Variants in DGKB observed in about 807,000 individuals in gnomAD.
DGKB encodes 90 kDa diacylglycerol kinase.
DGKB carries 67 observed loss-of-function variants against 114.3 expected under a neutral mutation model. The ratio of observed to expected loss-of-function variants is 0.59; its 90% CI spans 0.48 to 0.72. The LOEUF is 0.72. Among genes scored for constraint, DGKB ranks in the 30% least tolerant of loss-of-function variants. The pLI, the probability that DGKB is intolerant of heterozygous loss-of-function variation, is 0.00. For synonymous variants in DGKB, 398 were observed against 323.1 expected (o/e 1.23, Z -2.49); for missense variants, 907 against 975.2 (o/e 0.93, Z 0.93).
upstream of DGKB, among the ~76,000 whole-genome samples, chr7:14,903,798 C>G (rs2128240637): frequency 6.6e-6 from 1 of 152,222 alleles, no homozygotes; most frequent in South Asian, 2.1e-4. Context: ...GTAAGTAAGT[C>G]AATAATCAAG....
chr7:14,734,497 T>C (rs956635742), intron 5 of DGKB, among the ~76,000 whole-genome samples: 1 of 152,270 alleles, frequency 6.6e-6, no homozygotes, highest in African/African-American at 2.4e-5. Flanking sequence ...CTTACTCTTA[T>C]TCTCTTTTGA....
intron 23 of DGKB, among the ~76,000 whole-genome samples, chr7:14,216,410 G>T (rs183501148): frequency 1.3e-5 from 2 of 152,056 alleles, no homozygotes; most frequent in African/African-American, 2.4e-5. Context: ...CCAAATTATA[G>T]AATAAAAAGG....
At chr7:14,559,974 T>C (rs1414480534) in intron 20 of DGKB, among the ~76,000 whole-genome samples, 1 of 151,328 alleles carries the variant, frequency 6.6e-6, no homozygotes, top group Non-Finnish European at 1.5e-5. Flanking sequence ...TCTCCCTCCC[T>C]TCCTTTTTGC....
At chr7:14,275,089 G>A (rs1438201238) in intron 23 of DGKB, among the ~76,000 whole-genome samples, 3 of 152,038 alleles carry the variant, frequency 2.0e-5, no homozygotes, top group Non-Finnish European at 4.4e-5. Context: ...TTTCTCTGAA[G>A]CATCTCTCTG....
chr7:14,811,801 T>C (rs1843475396), intron 2 of DGKB, among the ~76,000 whole-genome samples: 1 of 110,662 alleles, frequency 9.0e-6, no homozygotes, highest in African/African-American at 4.3e-5. Context: ...TATGTATATA[T>C]ACACACACAC....
At chr7:14,832,575 G>A (rs1319804228) in intron 2 of DGKB, among the ~76,000 whole-genome samples, 1 of 151,900 alleles carries the variant, frequency 6.6e-6, no homozygotes, top group Non-Finnish European at 1.5e-5. Flanking sequence ...TAAAGACTCG[G>A]GATGCGTTTT....
At chr7:14,501,600 A>G (rs1263982595) in intron 20 of DGKB, among the ~76,000 whole-genome samples, 1 of 151,904 alleles carries the variant, frequency 6.6e-6, no homozygotes, top group Non-Finnish European at 1.5e-5. Context: ...AGCTCAGAGA[A>G]TCATCTCCAG....
chr7:14,351,806 T>C (rs1446654150), intron 21 of DGKB, among the ~76,000 whole-genome samples: 1 of 152,162 alleles, frequency 6.6e-6, no homozygotes, highest in Non-Finnish European at 1.5e-5. Context: ...ACATTAGTGG[T>C]GGAAGTGACC....
At chr7:14,906,216 A>T (rs979673301), upstream of DGKB, among the ~76,000 whole-genome samples, 8 of 146,990 alleles carry the variant, frequency 5.4e-5, no homozygotes, top group Non-Finnish European at 1.2e-4. Flanking sequence ...CTAGAGCCTT[A>T]AAAAAAAAAC....
At chr7:14,294,840 G>C (rs1802287168) in intron 23 of DGKB, among the ~76,000 whole-genome samples, 1 of 152,172 alleles carries the variant, frequency 6.6e-6, no homozygotes, top group Non-Finnish European at 1.5e-5. Flanking sequence ...GAGATAATCA[G>C]ATAAGTGACC....
At chr7:14,262,244 A>G (rs1032845855) in intron 23 of DGKB, among the ~76,000 whole-genome samples, 1 of 152,190 alleles carries the variant, frequency 6.6e-6, no homozygotes, top group African/African-American at 2.4e-5. Flanking sequence ...TGTAGAATGG[A>G]TGGTACTGTG....
chr7:14,620,076 A>G (rs568576600), intron 15 of DGKB, among the ~76,000 whole-genome samples: 1 of 151,670 alleles, frequency 6.6e-6, no homozygotes, highest in African/African-American at 2.4e-5. Context: ...TTATAGGATA[A>G]TTTAATTAAT....
At chr7:14,820,219 A>C (rs911999572) in intron 2 of DGKB, among the ~76,000 whole-genome samples, 2 of 152,152 alleles carry the variant, frequency 1.3e-5, no homozygotes, top group African/African-American at 4.8e-5. Flanking sequence ...CAATAAAAAA[A>C]CCCTCTAAAC....
chr7:14,561,733 C>A (rs534586226), intron 20 of DGKB, among the ~76,000 whole-genome samples: 33 of 152,134 alleles, frequency 2.2e-4, no homozygotes, highest in Non-Finnish European at 4.3e-4. Flanking sequence ...TTTAGGATAT[C>A]TGAGGAAAGA....
chr7:14,567,554 A>G (rs1797761983), intron 20 of DGKB, among the ~76,000 whole-genome samples: 1 of 101,926 alleles, frequency 9.8e-6, no homozygotes, highest in South Asian at 2.5e-4. Context: ...ATATAATTAT[A>G]TATTGGATAA....
intron 20 of DGKB, among the ~76,000 whole-genome samples, chr7:14,511,234 T>A (rs1787933241): frequency 1.3e-5 from 2 of 152,210 alleles, no homozygotes; most frequent in African/African-American, 4.8e-5. Flanking sequence ...CTGTTTTGTC[T>A]ACATTGAAAA....
intron 2 of DGKB, among the ~76,000 whole-genome samples, chr7:14,802,418 C>A (rs527414195): frequency 3.9e-5 from 6 of 152,236 alleles, no homozygotes; most frequent in African/African-American, 1.2e-4. Flanking sequence ...AGCTACTCAG[C>A]TTAATAAGGT....
At chr7:14,777,544 T>A (rs1838390099) in intron 2 of DGKB, among the ~76,000 whole-genome samples, 1 of 152,294 alleles carries the variant, frequency 6.6e-6, no homozygotes, top group South Asian at 2.1e-4. Context: ...AATAAGGGGC[T>A]TTTCTTCCTC....
In DGKB at chr7:14,889,595, A is replaced by G. The variant is rs149296719; in HGVS notation, c.-188+12997T>C. On this transcript the variant is annotated intron_variant, in intron 1 of 25. Coordinates refer to ENST00000402815, the MANE Select transcript of DGKB (RefSeq NM_001350709.2). ...ACTGAAGTTGTGTATCCAGCTAGCA[A>G]AGAATAAATAATCCTTGAATAGTAA... Among the ~76,000 whole-genome samples the G allele has an allele frequency of 2.2e-3, 339 of 151,658 alleles. 1 individual carries two copies. The highest frequency in any genetic ancestry group is 8.0e-3 in the African/African-American group (330 of 41,464).
Sources: gnomAD v4.1 joint callset for allele counts (sites outside exome capture counted in the v4.1 genomes callset) on GRCh38, gnomAD v4.1.1 for gene constraint, MANE v1.5 for transcripts, NCBI Gene and HGNC (gene_info 2026-07-23, HGNC 2026-07-21) for gene names.